Variants in WWC2 observed in about 807,000 individuals in gnomAD.
WWC2 encodes protein WWC2.
Under a neutral mutation model 138.5 loss-of-function variants are expected in WWC2, and 101 were observed. The ratio of observed to expected loss-of-function variants is 0.73; its 90% confidence interval spans 0.62 to 0.86. The LOEUF (loss-of-function observed/expected upper bound fraction) is 0.86, where lower values mean the gene tolerates loss of function less well. Ranked by LOEUF, WWC2 falls within the 40% of genes least tolerant of loss-of-function variation. WWC2 has a pLI of 0.00. For synonymous variants in WWC2, 558 were observed against 538.4 expected (o/e 1.04, Z -0.50); for missense variants, 1,420 against 1,419.4 (o/e 1.00, Z -0.01).
intron 4 of WWC2, among the ~76,000 whole-genome samples, chr4:183,210,347 A>G (rs1265022618): frequency 6.6e-6 from 1 of 152,124 alleles, no homozygotes; most frequent in African/African-American, 2.4e-5. Context: ...GATATGTGGG[A>G]TGAACAAGTC....
chr4:183,300,853 G>A (rs556484474), intron 21 of WWC2, among the ~76,000 whole-genome samples: 1 of 152,158 alleles, frequency 6.6e-6, no homozygotes, highest in African/African-American at 2.4e-5. Flanking sequence ...TACTTAGAGG[G>A]ACTGCCAAAA....
intron 1 of WWC2, among the ~76,000 whole-genome samples, chr4:183,127,248 T>C (rs1322867954): frequency 6.6e-6 from 1 of 152,060 alleles, no homozygotes; most frequent in African/African-American, 2.4e-5. Flanking sequence ...AATCTTCAAA[T>C]AGAGAAGGCC....
chr4:183,264,115 A>C (rs377128222), intron 11 of WWC2, among the ~76,000 whole-genome samples: 10 of 152,368 alleles, frequency 6.6e-5, no homozygotes, highest in South Asian at 2.1e-4. Context: ...GCACTTCATC[A>C]TCAAGGAAAA....
At chr4:183,114,650 G>A (rs1216219915) in intron 1 of WWC2, among the ~76,000 whole-genome samples, 1 of 148,296 alleles carries the variant, frequency 6.7e-6, no homozygotes, top group Non-Finnish European at 1.5e-5. Flanking sequence ...TGGTTTATTT[G>A]TTTTCACTGG....
At chr4:183,229,572 G>A (rs1313744283) in intron 4 of WWC2, among the ~76,000 whole-genome samples, 1 of 151,996 alleles carries the variant, frequency 6.6e-6, no homozygotes, top group Non-Finnish European at 1.5e-5. Context: ...TGAGTCATGT[G>A]GAGAGCATAT....
In WWC2 at chr4:183,245,397, T is replaced by A. The variant is rs190677788; in HGVS notation, c.603-19T>A. 1.3e-6 allele frequency: 2 copies of A among 1,504,286 alleles called. No individual in the cohort carries two copies. The highest frequency in any genetic ancestry group is 5.3e-5 in the Admixed American group (2 of 37,560). 93.2% of individuals were successfully genotyped at this position (1,504,286 alleles called of 1,614,324 possible). On this transcript the variant is annotated intron_variant, in intron 5 of 22. Transcript: ENST00000403733. ...CTATCATTCTTTGATATTTTTTCTT[T>A]CTTTTTCTCTTTTCACAGAATTGAT...
At chr4:183,239,369 G>A (rs761325262) in intron 4 of WWC2, among the ~76,000 whole-genome samples, 42 of 152,138 alleles carry the variant, frequency 2.8e-4, no homozygotes, top group Middle Eastern at 6.8e-3. Flanking sequence ...TTAATATATG[G>A]AAGTAAGTTT....
In WWC2 at chr4:183,235,703, A is replaced by G. The variant is rs543527086; in HGVS notation, c.523-4480A>G. On this transcript the variant is annotated intron_variant, in intron 4 of 22. Coordinates refer to ENST00000403733, the MANE Select transcript of WWC2 (RefSeq NM_024949.6). ...GGCTGCATAATATTCCATTGTATAT[A>G]CACACTATGTTGTTTTAATCCATGC... is the stretch of plus-strand genomic sequence containing the variant. 5.3e-5 allele frequency among the ~76,000 whole-genome samples: 8 copies of G among 152,356 alleles called. No individual in the cohort carries two copies. In the South Asian group the frequency reaches 1.7e-3, roughly 32 times the overall value.
intron 1 of WWC2, among the ~76,000 whole-genome samples, chr4:183,164,295 TA>T (rs1269965880): frequency 8.6e-4 from 9 of 10,426 alleles, no homozygotes; most frequent in Admixed American, 1.9e-3. Flanking sequence ...TATATATATA[TA>T]TATACATATA....
In WWC2 at chr4:183,261,440, T is replaced by C. The variant is rs1331963592; in HGVS notation, c.1817T>C (p.Leu606Pro). The change falls in exon 11 of 23, where the codon CTG becomes CCG. Residue 606 changes from leucine to proline, a missense_variant. Transcript: ENST00000403733. The stretch of plus-strand genomic sequence containing the variant: ...AGCCTCATCGAAAATCAGATTTTGC[T>C]GGATTCTGATTCAGGAGGAGCCTCC... ...DISLIENQIL[L>P]DSDSGGASQS... 1 of 1,612,344 alleles carries C rather than the reference T, an allele frequency of 6.2e-7. No homozygotes were observed. The highest frequency in any genetic ancestry group is 8.5e-7 in the Non-Finnish European group (1 of 1,179,174).
intron 4 of WWC2, among the ~76,000 whole-genome samples, chr4:183,216,889 C>G (rs1295210802): frequency 2.0e-5 from 3 of 152,128 alleles, no homozygotes; most frequent in Non-Finnish European, 4.4e-5. Flanking sequence ...CCATGGTACA[C>G]AATACCATGA....
intron 14 of WWC2, among the ~76,000 whole-genome samples, chr4:183,268,531 T>C (rs897324301): frequency 6.6e-6 from 1 of 152,206 alleles, no homozygotes; most frequent in East Asian, 1.9e-4. Flanking sequence ...TGGGAGGTGA[T>C]CATCAGCATC....
intron 1 of WWC2, among the ~76,000 whole-genome samples, chr4:183,166,707 A>G (rs1252773027): frequency 2.6e-5 from 4 of 152,228 alleles, no homozygotes; most frequent in Non-Finnish European, 2.9e-5. Flanking sequence ...TCTGAAGTAT[A>G]CAAAGATCAG....
At chr4:183,235,695 T>C (rs1413926942) in intron 4 of WWC2, among the ~76,000 whole-genome samples, 1 of 152,232 alleles carries the variant, frequency 6.6e-6, no homozygotes, top group Non-Finnish European at 1.5e-5. Flanking sequence ...TAATATTCCA[T>C]TGTATATACA....
chr4:183,287,828 C>G (rs1226053321), intron 20 of WWC2, among the ~76,000 whole-genome samples: 2 of 152,166 alleles, frequency 1.3e-5, no homozygotes, highest in Non-Finnish European at 2.9e-5. Flanking sequence ...TTGTGCTCGT[C>G]TCTTGCCAGT....
At chr4:183,267,610 C>G (rs1737547004) in intron 14 of WWC2, among the ~76,000 whole-genome samples, 1 of 152,214 alleles carries the variant, frequency 6.6e-6, no homozygotes, top group South Asian at 2.1e-4. Flanking sequence ...GCAATATGCT[C>G]TACTTCAACT....
chr4:183,198,789 TAAAA>T (rs56182831), intron 2 of WWC2, among the ~76,000 whole-genome samples: 13 of 72,344 alleles, frequency 1.8e-4, no homozygotes, highest in Non-Finnish European at 2.5e-4. Flanking sequence ...CTCGTCTCTT[TAAAA>T]AAAAAAAAAA....
chr4:183,253,754 T>A lies in WWC2; in HGVS notation c.954-3T>A. ...CATACCTCTTCTATCTTTTTTTTTT[T>A]AGTATGGCCAACTTAAAAATTGAAC... On this transcript the variant is annotated splice_region_variant and splice_polypyrimidine_tract_variant and intron_variant, in intron 8 of 22. Coordinates refer to ENST00000403733, the MANE Select transcript of WWC2 (RefSeq NM_024949.6). The A allele has an allele frequency of 6.2e-7, 1 of 1,603,256 alleles. No homozygotes were observed. The highest frequency in any genetic ancestry group is 8.5e-7 in the Non-Finnish European group (1 of 1,177,240).
intron 1 of WWC2, among the ~76,000 whole-genome samples, chr4:183,190,576 G>A (rs996728879): frequency 6.6e-6 from 1 of 151,930 alleles, no homozygotes; most frequent in Admixed American, 6.6e-5. Flanking sequence ...TTGATAGAGT[G>A]CAGAGAAAGT....
Sources: allele counts gnomAD v4.1 joint callset (sites outside exome capture counted in the v4.1 genomes callset), GRCh38; gene constraint gnomAD v4.1.1; transcripts MANE v1.5; gene names NCBI Gene and HGNC (gene_info 2026-07-23, HGNC 2026-07-21).